SLC44A1: variants seen among roughly 807,000 people sequenced by gnomAD.
SLC44A1 encodes choline transporter-like protein 1.
In SLC44A1, 26 loss-of-function variants were observed where a neutral mutation model predicts 79.3. The ratio of observed to expected loss-of-function variants is 0.33; its 90% confidence interval spans 0.24 to 0.46. The LOEUF (loss-of-function observed/expected upper bound fraction) is 0.46, where lower values mean the gene tolerates loss of function less well. Among genes scored for constraint, SLC44A1 ranks in the 20% least tolerant of loss-of-function variants. The pLI is 1.00. For synonymous variants in SLC44A1, 263 were observed against 286.2 expected (o/e 0.92, Z 0.82); for missense variants, 688 against 798.1 (o/e 0.86, Z 1.66).
Position 105,392,344 on chromosome 9 carries a change from T to G in SLC44A1, c.*3288T>G, listed in dbSNP as rs1828779156. On this transcript the variant is annotated 3_prime_UTR_variant, in exon 16 of 16. Transcript: ENST00000374720. Reference sequence around the variant, plus strand: ...TTAAGGAGGAGGCACTTACTGAGTTTATTTTAAAGTTATGCTAGAAATGTT... The same window carrying G: ...TTAAGGAGGAGGCACTTACTGAGTTGATTTTAAAGTTATGCTAGAAATGTT... The G allele has an allele frequency of 1.0e-6, 1 of 984,886 alleles. No individual in the cohort carries two copies. The highest frequency in any genetic ancestry group is 6.2e-5 in the Admixed American group (1 of 16,234). 61.0% of individuals were successfully genotyped at this position (984,886 alleles called of 1,614,324 possible). A position where few individuals can be genotyped will look rare whatever the true frequency, so the allele number is the denominator to read the frequency against.
intron 13 of SLC44A1, among the ~76,000 whole-genome samples, chr9:105,377,493 A>G (rs1182923459): frequency 1.3e-5 from 2 of 152,088 alleles, no homozygotes; most frequent in South Asian, 2.1e-4. Context: ...GCTCATGCCT[A>G]TAATCCCAGC....
intron 1 of SLC44A1, chr9:105,294,621 A>C (rs544015102): frequency 2.5e-4 from 38 of 152,018 alleles, no homozygotes; most frequent in Admixed American, 2.3e-3. Flanking sequence ...TTGGCTTTCA[A>C]GGGTTTGAGT....
intron 1 of SLC44A1, among the ~76,000 whole-genome samples, chr9:105,265,816 G>A (rs976194833): frequency 6.6e-6 from 1 of 152,160 alleles, no homozygotes; most frequent in Non-Finnish European, 1.5e-5. Flanking sequence ...TGGCATAGAC[G>A]TTTAGTGATA....
chr9:105,333,740 G>T (rs1389730097), intron 3 of SLC44A1, among the ~76,000 whole-genome samples: 1 of 152,016 alleles, frequency 6.6e-6, no homozygotes, highest in Non-Finnish European at 1.5e-5. Context: ...AACCTCAAAG[G>T]CTGAGGTTGC....
At chr9:105,384,640 A>G (rs71494527) in intron 14 of SLC44A1, among the ~76,000 whole-genome samples, 2,247 of 152,330 alleles carry the variant, frequency 0.015, 25 homozygotes, top group Non-Finnish European at 0.023. Flanking sequence ...GAATTTGATC[A>G]TGATTATTGT....
intron 6 of SLC44A1, 126 bp downstream of exon 6, chr9:105,356,507 A>C: frequency 1.7e-6 from 1 of 591,198 alleles, no homozygotes; most frequent in Non-Finnish European, 2.9e-6. Context: ...AGCCAAAATC[A>C]TTGTTTCAGA....
At chr9:105,330,180 G>A (rs1826706579) in intron 3 of SLC44A1, among the ~76,000 whole-genome samples, 1 of 152,166 alleles carries the variant, frequency 6.6e-6, no homozygotes, top group Non-Finnish European at 1.5e-5. Flanking sequence ...TCATGTACAG[G>A]TAGGGCTTTG....
In SLC44A1 at chr9:105,260,202, C is replaced by T. The variant is rs544923251; in HGVS notation, c.36+15298C>T. On this transcript the variant is annotated intron_variant, in intron 1 of 15. Coordinates refer to ENST00000374720, the MANE Select transcript of SLC44A1 (RefSeq NM_080546.5). ...CTTCTTGCTCACTTCATACCACCCC[C>T]TCACTGGCCTCCCAACCCCATTTGA... Among the ~76,000 whole-genome samples the T allele has an allele frequency of 2.6e-5, 4 of 152,330 alleles. No individual in the cohort carries two copies. In the East Asian group the frequency reaches 7.7e-4, roughly 29 times the overall value.
chr9:105,345,490 G>A (rs892966333), intron 4 of SLC44A1, among the ~76,000 whole-genome samples: 3 of 152,118 alleles, frequency 2.0e-5, no homozygotes, highest in East Asian at 1.9e-4. Context: ...ATTAGCAATG[G>A]CACAAAGGAA....
At chr9:105,357,659 G>A (rs1340426055) in intron 6 of SLC44A1, among the ~76,000 whole-genome samples, 2 of 152,014 alleles carry the variant, frequency 1.3e-5, no homozygotes, top group Non-Finnish European at 2.9e-5. Context: ...ATTTAGCTTG[G>A]GGCAGGTAGA....
Position 105,389,303 on chromosome 9 carries a change from C to G in SLC44A1, c.*247C>G. On this transcript the variant is annotated 3_prime_UTR_variant, in exon 16 of 16. Transcript: ENST00000374720. ...CGGGTGGCTTTTACAAGGCAACTTC[C>G]GTCATTTAATGTTTTCAACTGTAAT... 1 of 1,188,692 alleles carries G rather than the reference C, an allele frequency of 8.4e-7. No homozygotes were observed. 73.6% of individuals were successfully genotyped at this position (1,188,692 alleles called of 1,614,324 possible). A position where few individuals can be genotyped will look rare whatever the true frequency, so the allele number is the denominator to read the frequency against.
At chr9:105,424,959 AAAAG>A (rs1009903297) in intron 15 of SLC44A1, among the ~76,000 whole-genome samples, 8 of 146,754 alleles carry the variant, frequency 5.5e-5, no homozygotes, top group Non-Finnish European at 8.8e-5. Flanking sequence ...AAAAAAAAAA[AAAAG>A]AAAAGAAAGA....
At chr9:105,431,491 T>G (rs1335811701) in intron 15 of SLC44A1, among the ~76,000 whole-genome samples, 2 of 152,212 alleles carry the variant, frequency 1.3e-5, no homozygotes, top group African/African-American at 4.8e-5. Context: ...TATATTTCAT[T>G]CTCTAACAAG....
chr9:105,379,298 G>A (rs532237383), intron 13 of SLC44A1, among the ~76,000 whole-genome samples: 1 of 152,260 alleles, frequency 6.6e-6, no homozygotes, highest in South Asian at 2.1e-4. Context: ...AATGACAAGA[G>A]TATGGAAATG....
chr9:105,325,089 C>T (rs4387039), intron 3 of SLC44A1, among the ~76,000 whole-genome samples: 6,986 of 152,258 alleles, frequency 0.046, 536 homozygotes, highest in African/African-American at 0.16. Flanking sequence ...TAGCCAAAAA[C>T]AGAAAACAGC....
intron 12 of SLC44A1, among the ~76,000 whole-genome samples, chr9:105,368,765 C>T (rs370943938): frequency 3.7e-4 from 57 of 152,170 alleles, no homozygotes; most frequent in African/African-American, 1.4e-3. Context: ...AGGTCAGGCA[C>T]GGTGGCTCAC....
At chr9:105,306,455 G>A (rs902115186) in intron 2 of SLC44A1, among the ~76,000 whole-genome samples, 1 of 151,608 alleles carries the variant, frequency 6.6e-6, no homozygotes, top group Admixed American at 6.6e-5. Flanking sequence ...AATTATATTT[G>A]GCCTACTTCC....
intron 2 of SLC44A1, among the ~76,000 whole-genome samples, chr9:105,307,917 A>C (rs1274724111): frequency 6.6e-6 from 1 of 152,158 alleles, no homozygotes; most frequent in African/African-American, 2.4e-5. Context: ...GAGAGGGGCA[A>C]CAGGGTGAGT....
chr9:105,335,784 A>G (rs1826899500), intron 4 of SLC44A1, 85 bp downstream of exon 4: 2 of 1,249,732 alleles, frequency 1.6e-6, no homozygotes, highest in African/African-American at 3.0e-5. Flanking sequence ...TAAATAAATT[A>G]TCAAGGAACC....
Sources: gnomAD v4.1 joint callset for allele counts (sites outside exome capture counted in the v4.1 genomes callset) on GRCh38, gnomAD v4.1.1 for gene constraint, MANE v1.5 for transcripts, NCBI Gene and HGNC (gene_info 2026-07-23, HGNC 2026-07-21) for gene names.